Variants in HIVEP3 observed in about 807,000 individuals in gnomAD.
HIVEP3 encodes HIVEP zinc finger 3, also known as transcription factor HIVEP3.
Under a neutral mutation model 152.8 loss-of-function variants are expected in HIVEP3, and 49 were observed. The ratio of observed to expected loss-of-function variants is 0.32; its 90% CI spans 0.26 to 0.41. The LOEUF is 0.41. Among genes scored for constraint, HIVEP3 ranks in the 10% least tolerant of loss-of-function variants. The pLI is 1.00. For missense variants in HIVEP3, 2,790 were observed against 3,103.3 expected, an observed-to-expected ratio of 0.90 and a Z score of 2.40; for synonymous variants, 1,269 against 1,289.0, an observed-to-expected ratio of 0.98 and a Z score of 0.33.
chr1:41,969,449 G>A (rs371188014), intron 1 of HIVEP3, among the ~76,000 whole-genome samples: 16 of 152,238 alleles, frequency 1.1e-4, no homozygotes, highest in African/African-American at 3.9e-4. Context: ...ACAAAAACAA[G>A]CAATGGGGAC....
intron 1 of HIVEP3, among the ~76,000 whole-genome samples, chr1:41,971,214 T>C (rs547734454): frequency 6.6e-6 from 1 of 152,182 alleles, no homozygotes; most frequent in Non-Finnish European, 1.5e-5. Context: ...ATAAAAGTTA[T>C]TCACTTGGAC....
At chr1:41,694,946 C>T (rs188329627) in intron 2 of HIVEP3, among the ~76,000 whole-genome samples, 31 of 152,294 alleles carry the variant, frequency 2.0e-4, no homozygotes, top group African/African-American at 7.2e-4. Context: ...TAATAACCTC[C>T]AGACCACCAG....
chr1:41,817,574 T>C (rs1477451675), intron 1 of HIVEP3, among the ~76,000 whole-genome samples: 4 of 152,178 alleles, frequency 2.6e-5, no homozygotes, highest in Non-Finnish European at 4.4e-5. Context: ...GGGTTGTCAG[T>C]GGGATCCCAG....
At chr1:41,977,193 A>C (rs1645264602) in intron 1 of HIVEP3, among the ~76,000 whole-genome samples, 1 of 152,102 alleles carries the variant, frequency 6.6e-6, no homozygotes, top group South Asian at 2.1e-4. Flanking sequence ...GGAGAGAAAC[A>C]AGGTAAAAAT....
intron 5 of HIVEP3, among the ~76,000 whole-genome samples, chr1:41,568,528 T>A (rs1644203915): frequency 6.6e-6 from 1 of 152,158 alleles, no homozygotes; most frequent in Non-Finnish European, 1.5e-5. Flanking sequence ...CTTAACAGGA[T>A]CACTCTTGTT....
At chr1:41,853,486 A>T (rs1643662835) in intron 1 of HIVEP3, among the ~76,000 whole-genome samples, 1 of 152,158 alleles carries the variant, frequency 6.6e-6, no homozygotes, top group African/African-American at 2.4e-5. Context: ...ATATTTCGAG[A>T]ACTCACTATC....
intron 1 of HIVEP3, among the ~76,000 whole-genome samples, chr1:41,817,002 A>G (rs72961281): frequency 0.012 from 1,788 of 152,276 alleles, 32 homozygotes; most frequent in African/African-American, 0.04. Flanking sequence ...TCAACTCATC[A>G]CACTGGATGC....
At chr1:41,997,276 T>A (rs899134978) in intron 1 of HIVEP3, among the ~76,000 whole-genome samples, 1 of 152,196 alleles carries the variant, frequency 6.6e-6, no homozygotes, top group Non-Finnish European at 1.5e-5. Context: ...GGAGTGCCAA[T>A]AAATGTGTGG....
chr1:41,549,040 A>C (rs1643868253), intron 5 of HIVEP3, among the ~76,000 whole-genome samples: 4 of 149,154 alleles, frequency 2.7e-5, no homozygotes, highest in South Asian at 2.2e-4. Context: ...CCACCCCCCA[A>C]CAGGCCCCGG....
intron 1 of HIVEP3, among the ~76,000 whole-genome samples, chr1:41,927,255 G>A (rs1016576789): frequency 1.3e-5 from 2 of 152,136 alleles, no homozygotes; most frequent in Non-Finnish European, 2.9e-5. Flanking sequence ...GGCACCCTTG[G>A]GAGCCACCCA....
At chr1:41,858,477 C>A (rs550894119) in intron 1 of HIVEP3, among the ~76,000 whole-genome samples, 1 of 152,334 alleles carries the variant, frequency 6.6e-6, no homozygotes, top group East Asian at 1.9e-4. Context: ...CCACAATGGA[C>A]CATCTCACCT....
At chr1:41,577,165 C>T (rs140012307) in intron 4 of HIVEP3, among the ~76,000 whole-genome samples, 1 of 152,172 alleles carries the variant, frequency 6.6e-6, no homozygotes, top group Admixed American at 6.5e-5. Context: ...AGTGTTGGAA[C>T]TGAGCAGGGA....
At chr1:41,827,810 C>T (rs923236247) in intron 1 of HIVEP3, among the ~76,000 whole-genome samples, 1 of 152,018 alleles carries the variant, frequency 6.6e-6, no homozygotes, top group South Asian at 2.1e-4. Flanking sequence ...GCAATTTCAT[C>T]AGGACCTCCC....
At chr1:41,841,371 T>C (rs151258716) in intron 1 of HIVEP3, among the ~76,000 whole-genome samples, 1 of 151,840 alleles carries the variant, frequency 6.6e-6, no homozygotes, top group African/African-American at 2.4e-5. Context: ...AATCAATTCT[T>C]TAAACAGGCA....
chr1:41,781,550 G>C (rs930163645), intron 1 of HIVEP3, among the ~76,000 whole-genome samples: 1 of 152,134 alleles, frequency 6.6e-6, no homozygotes, highest in Non-Finnish European at 1.5e-5. Flanking sequence ...ATCTCCCTCT[G>C]GCCTTCTAGC....
chr1:41,958,502 C>G (rs1645152058), intron 1 of HIVEP3, among the ~76,000 whole-genome samples: 2 of 152,148 alleles, frequency 1.3e-5, no homozygotes, highest in African/African-American at 4.8e-5. Context: ...AGCAACAATC[C>G]TCATAAAGTA....
At position 41,664,097 on chromosome 1, in the gene HIVEP3, CT is replaced by C. The variant is rs1645758991; in HGVS notation, c.-720-35151del. On this transcript the variant is annotated intron_variant, in intron 2 of 8. Coordinates refer to ENST00000372583, the MANE Select transcript of HIVEP3 (RefSeq NM_024503.5). This position sits in a 1 kb window ranked among gnomAD's most constrained non-coding sequence, Gnocchi z 4.4. Reference sequence around the variant, plus strand: ...ACAGGCTTTCCCTTTGAAATGTCTTCTCCACCCCCTCCAGCTGTCCTTCACA... The same window carrying C: ...ACAGGCTTTCCCTTTGAAATGTCTTCCCACCCCCTCCAGCTGTCCTTCACA... 6.6e-6 allele frequency among the ~76,000 whole-genome samples: 1 copy of C among 152,216 alleles called. No homozygotes were observed. Among genetic ancestry groups the C allele is most frequent in the African/African-American group, 2.4e-5 (1 of 41,458 alleles).
chr1:41,775,455 A>G (rs1648635502), intron 1 of HIVEP3, among the ~76,000 whole-genome samples: 1 of 152,046 alleles, frequency 6.6e-6, no homozygotes, highest in Non-Finnish European at 1.5e-5. Flanking sequence ...CTCTAAGAGG[A>G]TGGAAGGAGT....
chr1:41,590,913 C>A (rs1201504822), intron 3 of HIVEP3, among the ~76,000 whole-genome samples: 1 of 152,196 alleles, frequency 6.6e-6, no homozygotes, highest in East Asian at 1.9e-4. Flanking sequence ...GGCTCCTCCA[C>A]CTCCTAACTG....
Sources: allele counts gnomAD v4.1 joint callset (sites outside exome capture counted in the v4.1 genomes callset), GRCh38; gene constraint gnomAD v4.1.1; non-coding constraint Gnocchi (gnomAD v3.1); transcripts MANE v1.5; gene names NCBI Gene and HGNC (gene_info 2026-07-23, HGNC 2026-07-21).